The following DLD variants were observed in gnomAD, a reference collection of about 807,000 sequenced individuals.
The protein encoded by DLD is dihydrolipoamide dehydrogenase, also known as dihydrolipoyl dehydrogenase, mitochondrial.
Under a neutral mutation model 62.2 loss-of-function variants are expected in DLD, and 36 were observed. The observed-to-expected ratio is 0.58, with a 90% CI of 0.44 to 0.76. The LOEUF (loss-of-function observed/expected upper bound fraction) is 0.76. DLD is among the 30% of genes least tolerant of loss of function. The pLI is 0.00. For synonymous variants in DLD, 204 were observed against 199.6 expected (o/e 1.02, Z -0.19); for missense variants, 541 against 608.6 (o/e 0.89, Z 1.17).
At chr7:107,902,542 A>G in intron 4 of DLD, 149 bp downstream of exon 4, 1 of 764,162 alleles carries the variant, frequency 1.3e-6, no homozygotes, top group Non-Finnish European at 2.3e-6. Context: ...GAATGATAAA[A>G]AACACACTTC....
At position 107,918,025 on chromosome 7, in the gene DLD, G is replaced by A. The variant is rs1323254312; in HGVS notation, c.1338G>A (p.Ser446=). ...DGMVKILGQK[S]TDRVLGAHIL... is the part of the protein sequence containing the mutation. ...TGGTGAAGATCCTTGGGCAGAAATCGACAGACAGAGTACTGGGAGCACATA... is the reference window on the plus strand; with the variant it reads ...TGGTGAAGATCCTTGGGCAGAAATCAACAGACAGAGTACTGGGAGCACATA... The change falls in exon 12 of 14, where the codon TCG becomes TCA. Residue 446 remains serine (S), a synonymous_variant. Coordinates refer to ENST00000205402, the MANE Select transcript of DLD (RefSeq NM_000108.5). 5 of 1,614,010 alleles carry A rather than the reference G, an allele frequency of 3.1e-6. No individual in the cohort carries two copies. The highest frequency in any genetic ancestry group is 1.7e-5 in the Admixed American group (1 of 60,014).
intron 8 of DLD, among the ~76,000 whole-genome samples, chr7:107,906,635 T>C (rs920981908): frequency 6.6e-6 from 1 of 152,206 alleles, no homozygotes; most frequent in Non-Finnish European, 1.5e-5. Flanking sequence ...TTTTTTAATA[T>C]GACAGCCATT....
chr7:107,893,476 G>C (rs192984139), intron 2 of DLD, 198 bp downstream of exon 2: 148 of 435,338 alleles, frequency 3.4e-4, no homozygotes, highest in African/African-American at 2.8e-3. Context: ...CTGCTCTTAT[G>C]AAACTTGTAA....
At chr7:107,893,321 C>A (rs748914649) in intron 2 of DLD, 43 bp downstream of exon 2, 1 of 1,414,860 alleles carries the variant, frequency 7.1e-7, no homozygotes. Context: ...CATTAGCTGA[C>A]AGTTCCTTTC....
At chr7:107,915,775 C>A in intron 9 of DLD, 79 bp downstream of exon 9, 1 of 1,312,836 alleles carries the variant, frequency 7.6e-7, no homozygotes, top group Non-Finnish European at 1.1e-6. Flanking sequence ...ATCAGTTTAG[C>A]AAATATAGGG....
intron 2 of DLD, among the ~76,000 whole-genome samples, chr7:107,899,663 A>G (rs748159895): frequency 3.3e-5 from 5 of 152,114 alleles, no homozygotes; most frequent in Admixed American, 1.3e-4. Flanking sequence ...ATAAATATAT[A>G]TGCTCATGTA....
chr7:107,899,585 T>C (rs2031826331), intron 2 of DLD, among the ~76,000 whole-genome samples: 1 of 152,108 alleles, frequency 6.6e-6, no homozygotes, highest in Non-Finnish European at 1.5e-5. Flanking sequence ...ACTTAAAATC[T>C]AAAATATTTA....
rs1246423607 is a variant in DLD, at chr7:107,919,653, A to G, written c.*394A>G. ...GAACAGTTGTGTTTGAAGCACAGTGATCAAGTTATTTTTAATTTGGTTTTC... is the reference window on the plus strand; with the variant it reads ...GAACAGTTGTGTTTGAAGCACAGTGGTCAAGTTATTTTTAATTTGGTTTTC... On this transcript the variant is annotated 3_prime_UTR_variant, in exon 14 of 14. Transcript: ENST00000205402. The G allele has an allele frequency of 2.8e-5, 5 of 177,260 alleles. No individual in the cohort carries two copies. In the East Asian group the frequency reaches 6.3e-4, roughly 22 times the overall value. The allele number at this position is 177,260 out of a possible 1,614,324, so 11.0% of individuals were successfully genotyped here.
At chr7:107,895,460 G>A (rs2031696351) in intron 2 of DLD, among the ~76,000 whole-genome samples, 1 of 152,166 alleles carries the variant, frequency 6.6e-6, no homozygotes, top group Non-Finnish European at 1.5e-5. Flanking sequence ...TTTCATGACA[G>A]CACTTAATCA....
At chr7:107,894,060 G>A (rs1314785731) in intron 2 of DLD, among the ~76,000 whole-genome samples, 2 of 152,150 alleles carry the variant, frequency 1.3e-5, no homozygotes, top group African/African-American at 2.4e-5. Flanking sequence ...AGGAAGCTAT[G>A]GGTCATGGAA....
chr7:107,903,397 C>G (rs2031926337), intron 4 of DLD, 81 bp from the exon 5 acceptor site: 1 of 914,454 alleles, frequency 1.1e-6, no homozygotes, highest in East Asian at 2.6e-5. Context: ...AAAAGAAAGA[C>G]TATCATTTCA....
chr7:107,899,098 T>G (rs1279716156), intron 2 of DLD, among the ~76,000 whole-genome samples: 1 of 152,142 alleles, frequency 6.6e-6, no homozygotes, highest in Non-Finnish European at 1.5e-5. Context: ...TCCATTAACA[T>G]TTTCTGTGCT....
At chr7:107,901,174 G>C (rs1017351394) in intron 2 of DLD, among the ~76,000 whole-genome samples, 1 of 151,966 alleles carries the variant, frequency 6.6e-6, no homozygotes, top group African/African-American at 2.4e-5. Flanking sequence ...CAGAAGTTAA[G>C]GACCTGAAAA....
chr7:107,917,910 T>G lies in DLD; in HGVS notation c.1237-14T>G. The G allele has an allele frequency of 1.2e-6, 2 of 1,613,976 alleles. No individual in the cohort carries two copies. The highest frequency in any genetic ancestry group is 1.7e-6 in the Non-Finnish European group (2 of 1,179,876). On this transcript the variant is annotated splice_polypyrimidine_tract_variant and intron_variant, in intron 11 of 13. Transcript: ENST00000205402. ...CTGGCAGTTACGTAGATTCTTTTTT[T>G]CTGACTGTCACAGGGTATTGAGTAC...
Position 107,906,272 on chromosome 7 carries a change from T to C in DLD, c.588T>C (p.Asp196=), listed in dbSNP as rs746757721. ...EVTPFPGITI[D]EDTIVSSTGA... is the part of the protein sequence containing the mutation. ...ATCTTTTGTTTTTCTTACAGATAGA[T>C]GAAGATACAATAGTGTCATCTACAG... is the stretch of plus-strand genomic sequence containing the variant. The change falls in exon 8 of 14, where the codon GAT becomes GAC. Residue 196 remains aspartate, a synonymous_variant. Transcript: ENST00000205402. The C allele has an allele frequency of 6.4e-7, 1 of 1,561,810 alleles. No homozygotes were observed. The highest frequency in any genetic ancestry group is 1.7e-5 in the Admixed American group (1 of 59,892).
chr7:107,917,219 G>GT (rs1562920557), intron 10 of DLD, 54 bp from the exon 11 acceptor site: 2 of 1,597,454 alleles, frequency 1.3e-6, no homozygotes, highest in African/African-American at 2.7e-5. Flanking sequence ...GTAACTGAAG[G>GT]TAAGTAGCTG....
intron 2 of DLD, among the ~76,000 whole-genome samples, chr7:107,901,146 G>GT (rs1317020896): frequency 3.3e-5 from 5 of 152,064 alleles, no homozygotes; most frequent in Non-Finnish European, 5.9e-5. Flanking sequence ...CATAGAAGCT[G>GT]TTTTTTCCCT....
In DLD at chr7:107,905,150, G is replaced by T. The variant is rs1584464548; in HGVS notation, c.438+92G>T. On this transcript the variant is annotated intron_variant, in intron 6 of 13. Transcript: ENST00000205402. ...ATGATATTTGAACTTGGTTACAGGG[G>T]AATATTTATTTAATTTAAAATAGCT... 16 of 1,056,956 alleles carry T rather than the reference G, an allele frequency of 1.5e-5. No individual in the cohort carries two copies. In the East Asian group the frequency reaches 3.6e-4, roughly 24 times the overall value. The allele number at this position is 1,056,956 out of a possible 1,614,324, so 65.5% of individuals were successfully genotyped here.
Position 107,893,220 on chromosome 7 carries a change from A to G in DLD, c.60A>G (p.Ile20Met). The change falls in exon 2 of 14, where the codon ATA becomes ATG. Residue 20 changes from isoleucine to methionine, a missense_variant. Coordinates refer to ENST00000205402, the MANE Select transcript of DLD (RefSeq NM_000108.5). ...TCTAGAGAGGCCATTTCAATCGAAT[A>G]TCTCATGGCCTACAGGGACTTTCTG... is the stretch of plus-strand genomic sequence containing the variant. ...SLAKRGHFNRISHGLQGLSAV... is the reference protein window; with the variant it reads ...SLAKRGHFNRMSHGLQGLSAV... 1.2e-6 allele frequency: 2 copies of G among 1,613,742 alleles called. No individual in the cohort carries two copies. The highest frequency in any genetic ancestry group is 1.1e-5 in the South Asian group (1 of 90,976).
Sources: allele counts gnomAD v4.1 joint callset (sites outside exome capture counted in the v4.1 genomes callset), GRCh38; gene constraint gnomAD v4.1.1; transcripts MANE v1.5; gene names NCBI Gene and HGNC (gene_info 2026-07-23, HGNC 2026-07-21).